The following HCLS1 variants were observed in gnomAD, a reference collection of about 807,000 sequenced individuals.
The protein encoded by HCLS1 is hematopoietic cell-specific Lyn substrate 1.
In HCLS1, 44 loss-of-function variants were observed where a neutral mutation model predicts 68.6. That is an observed-to-expected ratio of 0.64 (90% CI 0.50 to 0.82). HCLS1 has a LOEUF of 0.82. Ranked by LOEUF, HCLS1 falls within the 40% of genes least tolerant of loss-of-function variation. The probability of loss-of-function intolerance (pLI) is 0.00; values close to 1 mark genes in which losing one functional copy is unlikely to be tolerated. For synonymous variants in HCLS1, 217 were observed against 225.8 expected (o/e 0.96, Z 0.35); for missense variants, 602 against 612.1 (o/e 0.98, Z 0.17).
chr3:121,649,587 A>G (rs1460409401), intron 3 of HCLS1, among the ~76,000 whole-genome samples: 2 of 152,180 alleles, frequency 1.3e-5, no homozygotes, highest in African/African-American at 4.8e-5. Flanking sequence ...TAACTAAACA[A>G]CTTTTAAGTG....
At chr3:121,636,367 C>T in intron 8 of HCLS1, 67 bp downstream of exon 8, 2 of 1,329,768 alleles carry the variant, frequency 1.5e-6, no homozygotes, top group Admixed American at 1.7e-5. Flanking sequence ...CTTCTTCACG[C>T]TCTTCTCTGC....
intron 11 of HCLS1, 93 bp downstream of exon 11, chr3:121,632,974 G>T: frequency 1.2e-6 from 1 of 817,976 alleles, no homozygotes; most frequent in Non-Finnish European, 2.0e-6. Context: ...ACAGTGCAAG[G>T]CAAACCAGGA....
rs757642882 is a variant in HCLS1 at position 121,632,000 on chromosome 3, G to C, written c.1325-18C>G. 4 of 1,613,966 alleles carry C rather than the reference G, an allele frequency of 2.5e-6. No individual in the cohort carries two copies. In the East Asian group the frequency reaches 8.9e-5, roughly 36 times the overall value. On this transcript the variant is annotated intron_variant, in intron 13 of 13. Coordinates refer to ENST00000314583, the MANE Select transcript of HCLS1 (RefSeq NM_005335.6). ...ACTTCCCTCTGGGGAGAAAGTTGAG[G>C]GGATATTAGAATGGTCAGACATGAA... is the stretch of plus-strand genomic sequence containing the variant.
At chr3:121,660,236 T>G (rs1388125097) in intron 1 of HCLS1, among the ~76,000 whole-genome samples, 2 of 152,196 alleles carry the variant, frequency 1.3e-5, no homozygotes, top group East Asian at 3.9e-4. Flanking sequence ...TTATCTCTGA[T>G]TTTCCCAGTG....
At chr3:121,657,809 A>G (rs571535864) in intron 2 of HCLS1, among the ~76,000 whole-genome samples, 2 of 152,292 alleles carry the variant, frequency 1.3e-5, no homozygotes, top group East Asian at 3.9e-4. Flanking sequence ...CCTGGGTGAC[A>G]GAGTGAGACT....
intron 6 of HCLS1, among the ~76,000 whole-genome samples, chr3:121,639,526 A>ATTT (rs202153876): frequency 9.6e-4 from 136 of 141,038 alleles, no homozygotes; most frequent in African/African-American, 3.5e-3. Context: ...GAATGATTTT[A>ATTT]TTTTTTGTTG....
chr3:121,649,515 G>A (rs533526095), intron 3 of HCLS1, among the ~76,000 whole-genome samples: 44 of 152,284 alleles, frequency 2.9e-4, no homozygotes, highest in Non-Finnish European at 4.1e-4. Context: ...GATTACAGGC[G>A]TGAGCCACCA....
intron 3 of HCLS1, chr3:121,656,388 G>T (rs1937870880): frequency 6.6e-6 from 1 of 152,164 alleles, no homozygotes; most frequent in Admixed American, 6.5e-5. Flanking sequence ...ACTATTTATT[G>T]TGTCTACCTT....
chr3:121,635,854 T>C lies in HCLS1; in HGVS notation c.622-50A>G, dbSNP rs1376535996. The stretch of plus-strand genomic sequence containing the variant: ...TGTTGCGGGAGAGGGGCAAGGGTAG[T>C]GGTGACCTGGAGGTAGTATTGGGGG... On this transcript the variant is annotated intron_variant, in intron 8 of 13. Transcript: ENST00000314583. 7 of 1,481,692 alleles carry C rather than the reference T, an allele frequency of 4.7e-6. No individual in the cohort carries two copies. In the Admixed American group the frequency reaches 5.0e-5, roughly 11 times the overall value. The allele number at this position is 1,481,692 out of a possible 1,614,324, so 91.8% of individuals were successfully genotyped here. A position where few individuals can be genotyped will look rare whatever the true frequency, so the allele number is the denominator to read the frequency against.
intron 6 of HCLS1, among the ~76,000 whole-genome samples, chr3:121,637,871 G>A (rs1208678441): frequency 6.6e-6 from 1 of 151,902 alleles, no homozygotes; most frequent in Non-Finnish European, 1.5e-5. Flanking sequence ...GGGGGGTGGA[G>A]GTTGCAGTGA....
At chr3:121,646,092 A>G (rs1257496074) in intron 4 of HCLS1, among the ~76,000 whole-genome samples, 1 of 122,212 alleles carries the variant, frequency 8.2e-6, no homozygotes, top group Non-Finnish European at 1.6e-5. Context: ...TATATAATAT[A>G]TTAATTATAT....
intron 8 of HCLS1, 138 bp downstream of exon 8, chr3:121,636,296 G>A: frequency 1.4e-6 from 1 of 709,546 alleles, no homozygotes; most frequent in Non-Finnish European, 2.5e-6. Flanking sequence ...AGTGGGGACT[G>A]CAGGACGCCA....
intron 3 of HCLS1, among the ~76,000 whole-genome samples, chr3:121,653,401 T>C (rs1315409448): frequency 6.6e-6 from 1 of 152,246 alleles, no homozygotes; most frequent in Admixed American, 6.5e-5. Context: ...ATCCATTCAC[T>C]TTTCTGTGAA....
At chr3:121,640,469 C>T (rs2049186871) in intron 6 of HCLS1, among the ~76,000 whole-genome samples, 1 of 151,940 alleles carries the variant, frequency 6.6e-6, no homozygotes, top group Admixed American at 6.6e-5. Flanking sequence ...GAAGAAATGG[C>T]ACAGCCAAGA....
Position 121,650,823 on chromosome 3 carries a change from C to G in HCLS1, c.159-3375G>C, listed in dbSNP as rs571868256. Among the ~76,000 whole-genome samples the G allele has an allele frequency of 5.9e-5, 9 of 152,148 alleles. No individual in the cohort carries two copies. In the South Asian group the frequency reaches 1.9e-3, roughly 32 times the overall value. ...ATCATCAGGATTAAGATCTTTTGCTCTTAAAAAGATGCCATTAATAAAATG... is the reference window on the plus strand; with the variant it reads ...ATCATCAGGATTAAGATCTTTTGCTGTTAAAAAGATGCCATTAATAAAATG... On this transcript the variant is annotated intron_variant, in intron 3 of 13. Coordinates refer to ENST00000314583, the MANE Select transcript of HCLS1 (RefSeq NM_005335.6).
chr3:121,631,939 A>C lies in HCLS1; in HGVS notation c.1368T>G (p.Thr456=). 1.2e-6 allele frequency: 2 copies of C among 1,614,232 alleles called. No individual in the cohort carries two copies. The highest frequency in any genetic ancestry group is 1.7e-6 in the Non-Finnish European group (2 of 1,180,036). ...ELSFDPDDVI[T]DIEMVDEGWW... ...AGCCCTCGTCCACCATCTCAATGTC[A>C]GTGATTACGTCGTCCGGATCAAAGG... Residue 456 remains threonine (T), a synonymous_variant, in exon 14 of 14, where the codon ACT becomes ACG. Coordinates refer to ENST00000314583, the MANE Select transcript of HCLS1 (RefSeq NM_005335.6).
At chr3:121,651,480 A>G (rs1937747701) in intron 3 of HCLS1, among the ~76,000 whole-genome samples, 1 of 152,198 alleles carries the variant, frequency 6.6e-6, no homozygotes, top group South Asian at 2.1e-4. Context: ...TCTGTCACCC[A>G]GGCTGGAGTG....
At chr3:121,646,590 A>T (rs1419856109) in intron 4 of HCLS1, among the ~76,000 whole-genome samples, 1 of 110,452 alleles carries the variant, frequency 9.1e-6, no homozygotes, top group East Asian at 2.5e-4. Context: ...AATATATATA[A>T]TATATATTAA....
In HCLS1 at chr3:121,633,095, A is replaced by G. The variant is rs1165907607; in HGVS notation, c.980T>C (p.Leu327Ser). 1.2e-6 allele frequency: 2 copies of G among 1,613,282 alleles called. No homozygotes were observed. The highest frequency in any genetic ancestry group is 1.7e-6 in the Non-Finnish European group (2 of 1,179,472). The change falls in exon 11 of 14, where the codon TTG (leucine) becomes TCG (serine). Residue 327 changes from leucine to serine, a missense_variant. Coordinates refer to ENST00000314583, the MANE Select transcript of HCLS1 (RefSeq NM_005335.6). ...CGGGAGAGTCTGCCTAATGGGCAGC[A>G]AGGGCACTGGGTGTTCCCTGCTGGT... ...VRTSREHPVP[L>S]LPIRQTLPED...
Sources: allele counts gnomAD v4.1 joint callset (sites outside exome capture counted in the v4.1 genomes callset), GRCh38; gene constraint gnomAD v4.1.1; transcripts MANE v1.5; gene names NCBI Gene and HGNC (gene_info 2026-07-23, HGNC 2026-07-21).